The following AGPAT3 variants were observed in gnomAD, a reference collection of about 807,000 sequenced individuals.
The protein encoded by AGPAT3 is 1-acylglycerol-3-phosphate O-acyltransferase 3.
In AGPAT3, 5 loss-of-function variants were observed where a neutral mutation model predicts 47.3. The ratio of observed to expected loss-of-function variants is 0.11; its 90% CI spans 0.06 to 0.22. The LOEUF is 0.22. Ranked by LOEUF, AGPAT3 falls within the 10% of genes least tolerant of loss-of-function variation. The pLI, the probability that AGPAT3 is intolerant of heterozygous loss-of-function variation, is 1.00. For missense variants in AGPAT3, 315 were observed against 493.0 expected, an observed-to-expected ratio of 0.64 and a Z score of 3.42; for synonymous variants, 212 against 208.3, an observed-to-expected ratio of 1.02 and a Z score of -0.15.
intron 2 of AGPAT3, among the ~76,000 whole-genome samples, chr21:43,916,893 C>T (rs186751732): frequency 2.8e-4 from 43 of 152,238 alleles, no homozygotes; most frequent in African/African-American, 7.0e-4. Context: ...TGGTGTTGAG[C>T]GGATAGCCGG....
In AGPAT3 at chr21:43,954,845, G is replaced by A; in HGVS notation, c.-48-4789G>A. The A allele has an allele frequency of 4.8e-6, 1 of 209,006 alleles. No individual in the cohort carries two copies. Among genetic ancestry groups the A allele is most frequent in the Non-Finnish European group, 9.2e-6 (1 of 108,550 alleles). 12.9% of individuals were successfully genotyped at this position (209,006 alleles called of 1,614,324 possible). ...TTCCGGGGGCACTGAGTGCTGTGTG[G>A]CACCCGGGCCAGGAGAAACATGTGC... is the stretch of plus-strand genomic sequence containing the variant. On this transcript the variant is annotated intron_variant, in intron 2 of 9. Coordinates refer to ENST00000291572, the MANE Select transcript of AGPAT3 (RefSeq NM_020132.5). The surrounding 1 kb of genome is among the most constrained non-coding windows in gnomAD (Gnocchi z 4.0).
intron 2 of AGPAT3, among the ~76,000 whole-genome samples, chr21:43,950,059 G>T (rs1410348916): frequency 6.6e-6 from 1 of 152,226 alleles, no homozygotes; most frequent in African/African-American, 2.4e-5. Flanking sequence ...GTTGAAGGTG[G>T]TGGAGCCCCC....
At chr21:43,870,333 A>C (rs1294838462) in intron 1 of AGPAT3, among the ~76,000 whole-genome samples, 1 of 152,230 alleles carries the variant, frequency 6.6e-6, no homozygotes, top group Non-Finnish European at 1.5e-5. Flanking sequence ...TTTGTCGTGC[A>C]GTTCAGTTCC....
chr21:43,960,481 G>T (rs940308304), intron 3 of AGPAT3, among the ~76,000 whole-genome samples: 2 of 152,242 alleles, frequency 1.3e-5, no homozygotes, highest in African/African-American at 4.8e-5. Flanking sequence ...GGGTGGTTTG[G>T]CAGTGGCCGT....
chr21:43,979,330 A>AG (rs1227810642), intron 8 of AGPAT3, among the ~76,000 whole-genome samples: 1 of 141,530 alleles, frequency 7.1e-6, no homozygotes, highest in Non-Finnish European at 1.5e-5. Flanking sequence ...AGAAAAAAAA[A>AG]GAAAGAAAAA....
At chr21:43,943,115 C>A (rs2087724149) in intron 2 of AGPAT3, among the ~76,000 whole-genome samples, 1 of 152,138 alleles carries the variant, frequency 6.6e-6, no homozygotes, top group African/African-American at 2.4e-5. Flanking sequence ...CGCTCTGTCG[C>A]TCAGGCTGGA....
intron 5 of AGPAT3, 34 bp downstream of exon 5, chr21:43,969,313 C>T (rs778029129): frequency 1.2e-6 from 2 of 1,609,604 alleles, no homozygotes; most frequent in Non-Finnish European, 1.7e-6. Context: ...ACCCTGCATG[C>T]CTGGAGGAGG....
chr21:43,894,712 A>G (rs1026732100), intron 1 of AGPAT3, among the ~76,000 whole-genome samples: 3 of 151,802 alleles, frequency 2.0e-5, no homozygotes, highest in Admixed American at 6.6e-5. Context: ...CCACTAATCA[A>G]CCTCTCTTCC....
intron 1 of AGPAT3, among the ~76,000 whole-genome samples, chr21:43,879,557 G>A (rs145197900): frequency 6.6e-6 from 1 of 151,968 alleles, no homozygotes; most frequent in Non-Finnish European, 1.5e-5. Context: ...AGGCTGGGTC[G>A]TGGGGGTGTG....
chr21:43,873,093 C>T (rs1245735771), intron 1 of AGPAT3, among the ~76,000 whole-genome samples: 1 of 152,204 alleles, frequency 6.6e-6, no homozygotes, highest in Admixed American at 6.5e-5. Context: ...TTGGGAATGG[C>T]AGGAGCTGCA....
At chr21:43,886,296 C>T (rs1010256209) in intron 1 of AGPAT3, among the ~76,000 whole-genome samples, 1 of 152,054 alleles carries the variant, frequency 6.6e-6, no homozygotes, top group Non-Finnish European at 1.5e-5. Context: ...CTCTGTTGCC[C>T]AGGCTGGAGT....
intron 1 of AGPAT3, among the ~76,000 whole-genome samples, chr21:43,892,106 A>C (rs1305924521): frequency 2.0e-5 from 3 of 152,176 alleles, no homozygotes; most frequent in African/African-American, 7.2e-5. Context: ...CAGGAGTTTG[A>C]GACCAGCACG....
chr21:43,866,199 TA>T lies in AGPAT3; in HGVS notation c.-112+866del, dbSNP rs146400522. Among the ~76,000 whole-genome samples the T allele has an allele frequency of 3.0e-3, 428 of 142,564 alleles. 8 individuals are homozygous for T. The East Asian group carries it at 0.031, about 10-fold the overall frequency. The allele number at this position is 142,564 out of a possible 152,430, so 93.5% of individuals were successfully genotyped here. ...TTTTATAAATGGCTTCCCAGACCTT[TA>T]AAAAAAAAAAAGCACAATTTTAAAA... On this transcript the variant is annotated intron_variant, in intron 1 of 9. Coordinates refer to ENST00000291572, the MANE Select transcript of AGPAT3 (RefSeq NM_020132.5).
chr21:43,957,759 C>T (rs994901752), intron 2 of AGPAT3, among the ~76,000 whole-genome samples: 9 of 150,026 alleles, frequency 6.0e-5, no homozygotes, highest in East Asian at 2.0e-4. Context: ...CCCCTCCACA[C>T]GGGGGTCTCG....
chr21:43,879,468 G>A (rs2085807219), intron 1 of AGPAT3, among the ~76,000 whole-genome samples: 1 of 151,826 alleles, frequency 6.6e-6, no homozygotes, highest in Non-Finnish European at 1.5e-5. Flanking sequence ...GCTGTGAAAA[G>A]GGACCGCGGG....
chr21:43,879,031 C>T (rs372586336), intron 1 of AGPAT3, among the ~76,000 whole-genome samples: 8 of 152,168 alleles, frequency 5.3e-5, no homozygotes, highest in East Asian at 1.9e-4. Flanking sequence ...TGAGCCACCA[C>T]GCTTGGCTTG....
intron 2 of AGPAT3, among the ~76,000 whole-genome samples, chr21:43,923,463 G>T (rs747988256): frequency 4.6e-5 from 7 of 152,178 alleles, no homozygotes; most frequent in Non-Finnish European, 7.3e-5. Flanking sequence ...CAGTGCTCCA[G>T]GGCACCCACC....
rs1211161625 is a variant in AGPAT3, at chr21:43,959,026, GGT to G, written c.-48-600_-48-599del. 5.8e-5 allele frequency among the ~76,000 whole-genome samples: 7 copies of G among 121,562 alleles called. No individual in the cohort carries two copies. In the South Asian group the frequency reaches 8.2e-4, roughly 14 times the overall value. The allele number at this position is 121,562 out of a possible 152,430, so 79.7% of individuals were successfully genotyped here. ...GTAGCATGTGTGTGGTTTGCAGTGT[GGT>G]GTGTGTGGCATGTGTGTGGTTTGTG... On this transcript the variant is annotated intron_variant, in intron 2 of 9. Transcript: ENST00000291572.
intron 1 of AGPAT3, among the ~76,000 whole-genome samples, chr21:43,877,032 G>C (rs1338570423): frequency 6.6e-6 from 1 of 151,946 alleles, no homozygotes; most frequent in East Asian, 1.9e-4. Context: ...CTAATTTTTT[G>C]TATTTTAGCA....
Sources: gnomAD v4.1 joint callset for allele counts (sites outside exome capture counted in the v4.1 genomes callset) on GRCh38, gnomAD v4.1.1 for gene constraint, Gnocchi (gnomAD v3.1) non-coding constraint, MANE v1.5 for transcripts, NCBI Gene and HGNC (gene_info 2026-07-23, HGNC 2026-07-21) for gene names.